The following AHCTF1 variants were observed in gnomAD, a reference collection of about 807,000 sequenced individuals.
AHCTF1 encodes protein ELYS.
Under a neutral mutation model 248.4 loss-of-function variants are expected in AHCTF1, and 24 were observed. The ratio of observed to expected loss-of-function variants is 0.10; its 90% CI spans 0.07 to 0.14. AHCTF1 has a LOEUF of 0.14. Among genes scored for constraint, AHCTF1 ranks in the 10% least tolerant of loss-of-function variants. The pLI is 1.00. For synonymous variants in AHCTF1, 786 were observed against 929.8 expected (o/e 0.85, Z 2.81); for missense variants, 2,206 against 2,636.2 (o/e 0.84, Z 3.57).
chr1:246,878,734 T>A (rs1473647378), intron 21 of AHCTF1, among the ~76,000 whole-genome samples: 1 of 152,132 alleles, frequency 6.6e-6, no homozygotes, highest in Admixed American at 6.6e-5. Flanking sequence ...GGGAAGCAAA[T>A]GGTACCCACT....
At chr1:246,898,164 C>T (rs12023594) in intron 12 of AHCTF1, 44 bp downstream of exon 12, 341,636 of 1,606,120 alleles carry the variant, frequency 0.21, 38,000 homozygotes, top group Admixed American at 0.32. Context: ...AAGCTAATAA[C>T]GTGATCCAAC....
intron 35 of AHCTF1, among the ~76,000 whole-genome samples, chr1:246,841,282 A>T (rs1283544419): frequency 6.6e-6 from 1 of 152,218 alleles, no homozygotes; most frequent in Non-Finnish European, 1.5e-5. Flanking sequence ...TGTATGAAAA[A>T]ATACTGCTGG....
chr1:246,893,916 C>G (rs576170531), intron 14 of AHCTF1, among the ~76,000 whole-genome samples: 19 of 152,330 alleles, frequency 1.2e-4, no homozygotes, highest in African/African-American at 4.6e-4. Context: ...TCAAAAATTA[C>G]TTTTGGCTGG....
intron 1 of AHCTF1, chr1:246,931,075 G>A (rs1047492849): frequency 6.5e-7 from 1 of 1,542,436 alleles, no homozygotes; most frequent in African/African-American, 1.4e-5. Context: ...CGGGTGAGCT[G>A]GAACCTCACG....
rs545836289 is a variant in AHCTF1 at position 246,891,465 on chromosome 1, A to C, written c.1945+314T>G. On this transcript the variant is annotated intron_variant, in intron 15 of 35. Transcript: ENST00000648844. Reference sequence around the variant, plus strand: ...GCTTGTTTTTGTTTTGAAATTGCAAAACAGAAAAAATTTATGAGTTCTTTG... The same window carrying C: ...GCTTGTTTTTGTTTTGAAATTGCAACACAGAAAAAATTTATGAGTTCTTTG... 4.0e-5 allele frequency among the ~76,000 whole-genome samples: 6 copies of C among 151,790 alleles called. No individual in the cohort carries two copies. In the East Asian group the frequency reaches 1.2e-3, roughly 29 times the overall value.
In AHCTF1 at chr1:246,907,677, A is replaced by T; in HGVS notation, c.638T>A (p.Phe213Tyr). 6.2e-7 allele frequency: 1 copy of T among 1,614,000 alleles called. No individual in the cohort carries two copies. Among genetic ancestry groups the T allele is most frequent in the Non-Finnish European group, 8.5e-7 (1 of 1,179,930 alleles). Reference protein sequence around the residue: ...SVMRQGRHLCFQLVSPTGTAV... With the variant: ...SVMRQGRHLCYQLVSPTGTAV... ...TGTTCCTGTTGGACTTACTAACTGG[A>T]AACACAGATGGCGCCCTTGTCTCAT... The change falls in exon 5 of 36, where the codon TTC (phenylalanine) becomes TAC (tyrosine). Residue 213 changes from phenylalanine (F) to tyrosine (Y), a missense_variant. By Grantham distance (22) the Phe-to-Tyr change is conservative. Around this residue, in one of 6 missense-constraint regions of AHCTF1, gnomAD observed 650 missense variants for 870.8 expected, o/e 0.75. Transcript: ENST00000648844.
chr1:246,874,267 A>G (rs1292277247), intron 24 of AHCTF1, among the ~76,000 whole-genome samples: 1 of 152,172 alleles, frequency 6.6e-6, no homozygotes, highest in Non-Finnish European at 1.5e-5. Context: ...TCTCCCTTGC[A>G]TAAAGATGAC....
In AHCTF1 at chr1:246,899,419, GTTCAA is replaced by G. The variant is rs150578707; in HGVS notation, c.1494+27_1494+31del. 5.6e-3 allele frequency: 8,630 copies of G among 1,534,742 alleles called. 30 individuals are homozygous for G. The highest frequency in any genetic ancestry group is 6.5e-3 in the Non-Finnish European group (7,238 of 1,121,064). ...AACTATATTCTAAGATCTGACTTCA[GTTCAA>G]TTAAGAAATCACTAGTTGTTACCTA... On this transcript the variant is annotated intron_variant, in intron 11 of 35. Coordinates refer to ENST00000648844, the MANE Select transcript of AHCTF1 (RefSeq NM_001323342.2).
At chr1:246,863,365 A>AGTAT (rs1402495110) in intron 27 of AHCTF1, among the ~76,000 whole-genome samples, 1 of 151,560 alleles carries the variant, frequency 6.6e-6, no homozygotes, top group Non-Finnish European at 1.5e-5. Flanking sequence ...CTAGGGAGAT[A>AGTAT]GTATGTTTAA....
At chr1:246,904,812 C>A (rs1665269492) in intron 6 of AHCTF1, among the ~76,000 whole-genome samples, 1 of 152,150 alleles carries the variant, frequency 6.6e-6, no homozygotes, top group African/African-American at 2.4e-5. Context: ...GTTCTTATTT[C>A]TTTTACTTGG....
At position 246,864,080 on chromosome 1, in the gene AHCTF1, A is replaced by G. The variant is rs139868397; in HGVS notation, c.3384T>C (p.Pro1128=). The G allele has an allele frequency of 0.015, 24,147 of 1,614,116 alleles. 252 individuals are homozygous for G. The highest frequency in any genetic ancestry group is 0.018 in the Non-Finnish European group (21,360 of 1,179,958). ...GCTGAATAAACTCCGAACACTGAGA[A>G]GGCCGGGGGACAGGCTGAACAACCA... is the stretch of plus-strand genomic sequence containing the variant. ...LDLVVQPVPR[P]SQCSEFIQQS... Residue 1128 remains proline, a synonymous_variant, in exon 27 of 36, where the codon CCT becomes CCC. Transcript: ENST00000648844.
At position 246,921,627 on chromosome 1, in the gene AHCTF1, C is replaced by T. The variant is rs563657289; in HGVS notation, c.-7-3250G>A. Among the ~76,000 whole-genome samples, 14 of 152,118 alleles carry T rather than the reference C, an allele frequency of 9.2e-5. No homozygotes were observed. The East Asian group carries it at 2.7e-3, about 29-fold the overall frequency. On this transcript the variant is annotated intron_variant, in intron 1 of 35. Transcript: ENST00000648844. ...ATATTTCCCAGATTTACAGACACAC[C>T]GATTCCCTGAGTCAGGAAGTCCAAT... is the stretch of plus-strand genomic sequence containing the variant.
At position 246,876,199 on chromosome 1, in the gene AHCTF1, C is replaced by T. The variant is rs199556608; in HGVS notation, c.2938-12G>A. ...GGATCACGATCATTCTATTAAACAT[C>T]AAAATTGGTAAAAAATTTAACCTTC... On this transcript the variant is annotated splice_polypyrimidine_tract_variant and intron_variant, in intron 23 of 35. Coordinates refer to ENST00000648844, the MANE Select transcript of AHCTF1 (RefSeq NM_001323342.2). 6.4e-7 allele frequency: 1 copy of T among 1,555,212 alleles called. No homozygotes were observed.
At chr1:246,882,878 A>G (rs1663552348) in intron 21 of AHCTF1, among the ~76,000 whole-genome samples, 1 of 152,242 alleles carries the variant, frequency 6.6e-6, no homozygotes, top group South Asian at 2.1e-4. Context: ...AGAGAAATGC[A>G]AAGATGCTCT....
chr1:246,911,324 GCAGT>G (rs1344549207), intron 4 of AHCTF1, among the ~76,000 whole-genome samples: 2 of 151,978 alleles, frequency 1.3e-5, no homozygotes, highest in Non-Finnish European at 2.9e-5. Flanking sequence ...TCCATAAAAA[GCAGT>G]CAAACTATTT....
In AHCTF1 at chr1:246,851,151, T is replaced by G. The variant is rs1399922733; in HGVS notation, c.4855A>C (p.Asn1619His). 5 of 1,613,946 alleles carry G rather than the reference T, an allele frequency of 3.1e-6. No individual in the cohort carries two copies. Among genetic ancestry groups the G allele is most frequent in the Non-Finnish European group, 4.2e-6 (5 of 1,179,848 alleles). Residue 1619 changes from asparagine to histidine, a missense_variant, in exon 33 of 36, where the codon AAC becomes CAC. Physicochemically the swap from Asn to His is moderately conservative, Grantham distance 68. Transcript: ENST00000648844. ...ASSDVLPKAA[N>H]TATEEKLVCS... ...ACAAGTTTTTCTTCAGTTGCTGTGT[T>G]AGCTGCTTTAGGTAACACATCAGAT...
rs116105455 is a variant in AHCTF1, at chr1:246,885,396, C to T, written c.2660+97G>A. The T allele has an allele frequency of 1.6e-3, 1,610 of 1,038,598 alleles. 25 individuals carry two copies. The African/African-American group carries it at 0.023, about 15-fold the overall frequency. 64.3% of individuals were successfully genotyped at this position (1,038,598 alleles called of 1,614,324 possible). On this transcript the variant is annotated intron_variant, in intron 21 of 35. Transcript: ENST00000648844. The stretch of plus-strand genomic sequence containing the variant: ...TAATACAAAGGACTGACTTTACTGA[C>T]TTAACGGCCAATTGTATATTGCCAC...
chr1:246,923,108 CAAAAAAAA>C (rs34474643), intron 1 of AHCTF1, among the ~76,000 whole-genome samples: 1 of 111,898 alleles, frequency 8.9e-6, no homozygotes, highest in African/African-American at 3.3e-5. Context: ...CAAATAATAC[CAAAAAAAA>C]AAAAAAAAAA....
intron 25 of AHCTF1, 106 bp downstream of exon 25, chr1:246,867,555 A>C (rs1269394743): frequency 2.9e-6 from 4 of 1,395,506 alleles, no homozygotes; most frequent in Non-Finnish European, 3.9e-6. Flanking sequence ...TCTTTTTTAC[A>C]TACACTAATA....
Sources: gnomAD v4.1 joint callset for allele counts (sites outside exome capture counted in the v4.1 genomes callset) on GRCh38, gnomAD v4.1.1 for gene constraint, gnomAD v4.1.1 regional missense constraint, MANE v1.5 for transcripts, NCBI Gene and HGNC (gene_info 2026-07-23, HGNC 2026-07-21) for gene names.